ZNF793: variants seen among roughly 807,000 people sequenced by gnomAD.
ZNF793 encodes the protein zinc finger protein 793.
A neutral mutation model predicts 12.4 loss-of-function variants in ZNF793; 5 were observed. That is an observed-to-expected ratio of 0.40 (90% CI 0.21 to 0.84). The LOEUF (loss-of-function observed/expected upper bound fraction) is 0.84. Ranked by LOEUF, ZNF793 falls within the 40% of genes least tolerant of loss-of-function variation. ZNF793 has a pLI of 0.35. For synonymous variants in ZNF793, 162 were observed against 172.4 expected, an observed-to-expected ratio of 0.94 and a Z score of 0.47; for missense variants, 456 against 495.0, an observed-to-expected ratio of 0.92 and a Z score of 0.75.
At chr19:37,511,803 A>C (rs1483369432) in intron 2 of ZNF793, among the ~76,000 whole-genome samples, 1 of 152,210 alleles carries the variant, frequency 6.6e-6, no homozygotes. Context: ...GTGGGTTTCT[A>C]GTAGGGTCCC....
At chr19:37,509,606 G>C (rs996934392) in intron 2 of ZNF793, among the ~76,000 whole-genome samples, 16 of 143,806 alleles carry the variant, frequency 1.1e-4, no homozygotes, top group African/African-American at 4.3e-4. Context: ...TAGCTGCTTA[G>C]CATGGGTGAA....
At chr19:37,525,031 G>A (rs935695410) in intron 5 of ZNF793, among the ~76,000 whole-genome samples, 1 of 152,154 alleles carries the variant, frequency 6.6e-6, no homozygotes. Flanking sequence ...CAAAGCTGTA[G>A]GAAGTCCTAA....
At chr19:37,532,791 C>A (rs1429516679) in intron 6 of ZNF793, among the ~76,000 whole-genome samples, 2 of 151,920 alleles carry the variant, frequency 1.3e-5, no homozygotes, top group African/African-American at 4.8e-5. Context: ...TGCACTCTAG[C>A]CTGGGCAACA....
At position 37,525,625 on chromosome 19, in the gene ZNF793, C is replaced by G. The variant is rs182150834; in HGVS notation, c.15+2171C>G. ...CTAACTTTTGTATTTTTAGTAGAGA[C>G]AGGGTTTCGATGGTCTCGATCTCCT... On this transcript the variant is annotated intron_variant, in intron 5 of 7. Coordinates refer to ENST00000627814, the MANE Select transcript of ZNF793 (RefSeq NM_001013659.3). Among the ~76,000 whole-genome samples, 284 of 143,414 alleles carry G rather than the reference C, an allele frequency of 2.0e-3. 2 individuals are homozygous for G. The highest frequency in any genetic ancestry group is 1.9e-3 in the Non-Finnish European group (124 of 65,594). 94.1% of individuals were successfully genotyped at this position (143,414 alleles called of 152,430 possible). A position where few individuals can be genotyped will look rare whatever the true frequency, so the allele number is the denominator to read the frequency against.
intron 2 of ZNF793, among the ~76,000 whole-genome samples, chr19:37,510,720 A>T (rs1167771084): frequency 6.0e-5 from 9 of 149,048 alleles, no homozygotes. Context: ...TTTTTGAGAC[A>T]GGGTCTCACT....
intron 7 of ZNF793, 197 bp from the exon 8 acceptor site, chr19:37,536,700 C>T: frequency 1.7e-6 from 1 of 593,718 alleles, no homozygotes; most frequent in Non-Finnish European, 2.8e-6. Context: ...TTATTGGTCT[C>T]TATACTCTAT....
chr19:37,522,002 A>G (rs990433398), intron 3 of ZNF793, among the ~76,000 whole-genome samples: 6 of 152,040 alleles, frequency 3.9e-5, no homozygotes, highest in Non-Finnish European at 7.4e-5. Flanking sequence ...TTCAGGGTAT[A>G]TTTTCTAAGA....
chr19:37,538,116 C>G lies in ZNF793; in HGVS notation c.*237C>G, dbSNP rs189009759. On this transcript the variant is annotated 3_prime_UTR_variant, in exon 8 of 8. Coordinates refer to ENST00000627814, the MANE Select transcript of ZNF793 (RefSeq NM_001013659.3). Reference sequence around the variant, plus strand: ...ATTTTTAGTAGAGACGGGGTTTCACCGTGTTAGCCAGGATGGTCTCGATCT... The same window carrying G: ...ATTTTTAGTAGAGACGGGGTTTCACGGTGTTAGCCAGGATGGTCTCGATCT... The G allele has an allele frequency of 5.7e-5, 24 of 418,554 alleles. No homozygotes were observed. The highest frequency in any genetic ancestry group is 5.0e-4 in the South Asian group (17 of 34,288). The allele number at this position is 418,554 out of a possible 1,614,324, so 25.9% of individuals were successfully genotyped here.
intron 3 of ZNF793, among the ~76,000 whole-genome samples, 165 bp downstream of exon 3, chr19:37,520,477 A>G (rs765376824): frequency 1.2e-4 from 19 of 152,196 alleles, no homozygotes; most frequent in Non-Finnish European, 2.8e-4. Context: ...AAATAGCTTC[A>G]TCCCTGAGCC....
At chr19:37,536,087 A>T (rs1369841685) in intron 7 of ZNF793, 1 of 187,636 alleles carries the variant, frequency 5.3e-6, no homozygotes, top group African/African-American at 2.3e-5. Flanking sequence ...CAAAAATGTA[A>T]TTTCTTTTCT....
At position 37,538,473 on chromosome 19, in the gene ZNF793, GT is replaced by G. The variant is rs1275826373; in HGVS notation, c.*597del. The G allele has an allele frequency of 6.6e-6, 1 of 152,174 alleles. No homozygotes were observed. The highest frequency in any genetic ancestry group is 6.6e-5 in the Admixed American group (1 of 15,256). 9.4% of individuals were successfully genotyped at this position (152,174 alleles called of 1,614,324 possible). A position where few individuals can be genotyped will look rare whatever the true frequency, so the allele number is the denominator to read the frequency against. ...TTTTTGTATTTTTAGTAGAGATGGG[GT>G]TTCACCATGTTGGTCAGGCTGGTCT... On this transcript the variant is annotated 3_prime_UTR_variant, in exon 8 of 8. Transcript: ENST00000627814.
At chr19:37,532,102 C>T (rs773464545) in intron 5 of ZNF793, among the ~76,000 whole-genome samples, 6 of 150,796 alleles carry the variant, frequency 4.0e-5, no homozygotes, top group Non-Finnish European at 7.4e-5. Context: ...CAACCTCCGT[C>T]TCTTAGATTC....
intron 2 of ZNF793, among the ~76,000 whole-genome samples, chr19:37,513,454 G>A (rs17303301): frequency 0.14 from 21,261 of 152,168 alleles, 1,633 homozygotes; most frequent in South Asian, 0.24. Context: ...TTACAAAACT[G>A]TTTAAAATGT....
chr19:37,530,279 T>C (rs1252458873), intron 5 of ZNF793, among the ~76,000 whole-genome samples: 1 of 152,166 alleles, frequency 6.6e-6, no homozygotes, highest in East Asian at 1.9e-4. Flanking sequence ...AGGAGACAGA[T>C]GCCTTCCTCT....
intron 2 of ZNF793, among the ~76,000 whole-genome samples, chr19:37,515,615 T>A (rs1398069035): frequency 6.6e-6 from 1 of 152,086 alleles, no homozygotes; most frequent in African/African-American, 2.4e-5. Flanking sequence ...GCCTGATGAC[T>A]TTTTTTATTG....
At chr19:37,523,212 C>T (rs1311522963) in intron 4 of ZNF793, among the ~76,000 whole-genome samples, 198 bp from the exon 5 acceptor site, 6 of 151,952 alleles carry the variant, frequency 3.9e-5, no homozygotes, top group Admixed American at 1.3e-4. Flanking sequence ...TTTGTAGAGA[C>T]GGGGCTTTGC....
At chr19:37,522,130 A>G (rs2042380890) in intron 3 of ZNF793, among the ~76,000 whole-genome samples, 1 of 152,186 alleles carries the variant, frequency 6.6e-6, no homozygotes, top group Admixed American at 6.5e-5. Context: ...TAGACCATAG[A>G]CTAGATTAAT....
In ZNF793 at chr19:37,539,710, T is replaced by C. The variant is rs931131780; in HGVS notation, c.*1831T>C. On this transcript the variant is annotated 3_prime_UTR_variant, in exon 8 of 8. Coordinates refer to ENST00000627814, the MANE Select transcript of ZNF793 (RefSeq NM_001013659.3). The stretch of plus-strand genomic sequence containing the variant: ...CAACATATTTTTTAAAAAGAGGAGG[T>C]GGATGCTTTTCTAATAAACTTAAGT... 6.6e-5 allele frequency: 10 copies of C among 151,972 alleles called. No homozygotes were observed. Among genetic ancestry groups the C allele is most frequent in the African/African-American group, 2.4e-4 (10 of 41,348 alleles). 9.4% of individuals were successfully genotyped at this position (151,972 alleles called of 1,614,324 possible).
intron 3 of ZNF793, among the ~76,000 whole-genome samples, chr19:37,520,718 C>A (rs1455967306): frequency 1.3e-5 from 2 of 152,072 alleles, no homozygotes; most frequent in African/African-American, 4.8e-5. Context: ...CCATCTGCTT[C>A]TTTATTCTTG....
Sources: gnomAD v4.1 joint callset for allele counts (sites outside exome capture counted in the v4.1 genomes callset) on GRCh38, gnomAD v4.1.1 for gene constraint, MANE v1.5 for transcripts, NCBI Gene and HGNC (gene_info 2026-07-23, HGNC 2026-07-21) for gene names.